The following SORCS2 variants were observed in gnomAD, a reference collection of about 807,000 sequenced individuals.
The protein encoded by SORCS2 is VPS10 domain-containing receptor SorCS2.
SORCS2 carries 100 observed loss-of-function variants against 141.6 expected under a neutral mutation model. The observed-to-expected ratio is 0.71, with a 90% CI of 0.60 to 0.83. The LOEUF is 0.83. SORCS2 is among the 40% of genes least tolerant of loss of function. The pLI, the probability that SORCS2 is intolerant of heterozygous loss-of-function variation, is 0.00. For synonymous variants in SORCS2, 789 were observed against 676.9 expected (o/e 1.17, Z -2.57); for missense variants, 1,646 against 1,560.2 (o/e 1.05, Z -0.93).
rs147496874 is a variant in SORCS2, at chr4:7,302,596, T to G, written c.481-93692T>G. Among the ~76,000 whole-genome samples the G allele has an allele frequency of 7.1e-3, 1,080 of 152,266 alleles. 11 individuals carry two copies. Among genetic ancestry groups the G allele is most frequent in the African/African-American group, 0.024 (997 of 41,534 alleles). ...TCCCTGTAGGCCCTGTGCCCTGACT[T>G]GGACCTGTTTTTCTCCATGGCAATG... On this transcript the variant is annotated intron_variant, in intron 1 of 26. Transcript: ENST00000507866.
chr4:7,398,167 T>A (rs1338871357), intron 2 of SORCS2, among the ~76,000 whole-genome samples: 1 of 150,276 alleles, frequency 6.7e-6, no homozygotes, highest in East Asian at 2.0e-4. Context: ...GCGGTGGGGG[T>A]GGGGTGGGAC....
rs1339929013 is a variant in SORCS2 at position 7,741,225 on chromosome 4, C to T, written c.*961C>T. On this transcript the variant is annotated 3_prime_UTR_variant, in exon 27 of 27. Transcript: ENST00000507866. ...CGAAGGGAACCGGGTGGAAACCAAG[C>T]TGGGAGAGGCTGAGGATGGCAGGGC... is the stretch of plus-strand genomic sequence containing the variant. The T allele has an allele frequency of 5.0e-6, 2 of 398,716 alleles. No individual in the cohort carries two copies. The highest frequency in any genetic ancestry group is 2.5e-4 in the South Asian group (2 of 7,862). The allele number at this position is 398,716 out of a possible 1,614,324, so 24.7% of individuals were successfully genotyped here. A position where few individuals can be genotyped will look rare whatever the true frequency, so the allele number is the denominator to read the frequency against.
intron 1 of SORCS2, among the ~76,000 whole-genome samples, chr4:7,374,512 G>A (rs1049677601): frequency 2.3e-4 from 35 of 152,156 alleles, no homozygotes; most frequent in Admixed American, 1.8e-3. Flanking sequence ...CATTGTCTGC[G>A]TGTTGCTTTT....
chr4:7,586,179 G>T (rs571044659), intron 3 of SORCS2, among the ~76,000 whole-genome samples: 1 of 152,220 alleles, frequency 6.6e-6, no homozygotes, highest in Admixed American at 6.5e-5. Context: ...CATCTTTAGG[G>T]CCATTTTTTC....
Position 7,396,219 on chromosome 4 carries a change from C to G in SORCS2, c.481-69C>G. 3 of 1,476,908 alleles carry G rather than the reference C, an allele frequency of 2.0e-6. No individual in the cohort carries two copies. The South Asian group carries it at 3.6e-5, about 18-fold the overall frequency. The allele number at this position is 1,476,908 out of a possible 1,614,324, so 91.5% of individuals were successfully genotyped here. On this transcript the variant is annotated intron_variant, in intron 1 of 26. Transcript: ENST00000507866. Reference sequence around the variant, plus strand: ...CCCAAATTCTGGCACGGAGTGGTGTCACTGTACCTCTCTTTGAGAACCTTG... The same window carrying G: ...CCCAAATTCTGGCACGGAGTGGTGTGACTGTACCTCTCTTTGAGAACCTTG...
At chr4:7,668,747 G>T (rs190050801) in intron 8 of SORCS2, among the ~76,000 whole-genome samples, 22 of 152,364 alleles carry the variant, frequency 1.4e-4, no homozygotes, top group Admixed American at 1.3e-3. Flanking sequence ...GGCAGTAGGT[G>T]TCTGTCCCTC....
chr4:7,583,585 T>C (rs187282080), intron 3 of SORCS2, among the ~76,000 whole-genome samples: 5 of 152,192 alleles, frequency 3.3e-5, no homozygotes. Flanking sequence ...CCCCATACTG[T>C]TCTCATGGTA....
At chr4:7,484,046 T>G (rs1220849072) in intron 2 of SORCS2, among the ~76,000 whole-genome samples, 1 of 152,234 alleles carries the variant, frequency 6.6e-6, no homozygotes, top group Non-Finnish European at 1.5e-5. Flanking sequence ...ACTTACTTTC[T>G]TCGAGCATTT....
chr4:7,284,236 C>A (rs1350787173), intron 1 of SORCS2, among the ~76,000 whole-genome samples: 1 of 152,174 alleles, frequency 6.6e-6, no homozygotes, highest in African/African-American at 2.4e-5. Context: ...GTACAATTTC[C>A]CCATCCAGTT....
intron 1 of SORCS2, among the ~76,000 whole-genome samples, chr4:7,335,153 T>C (rs1188967670): frequency 6.6e-6 from 1 of 152,064 alleles, no homozygotes; most frequent in African/African-American, 2.4e-5. Flanking sequence ...AGATCCAAAT[T>C]TGTGTTAGAA....
chr4:7,460,873 T>C (rs1229295866), intron 2 of SORCS2, among the ~76,000 whole-genome samples: 2 of 152,180 alleles, frequency 1.3e-5, no homozygotes, highest in African/African-American at 2.4e-5. Flanking sequence ...GGGCCGTGCA[T>C]CGGCTACACA....
chr4:7,404,821 G>A (rs1056103174), intron 2 of SORCS2, among the ~76,000 whole-genome samples: 1 of 152,014 alleles, frequency 6.6e-6, no homozygotes, highest in Non-Finnish European at 1.5e-5. Context: ...CCATGCTGTT[G>A]GTTATTTCTT....
intron 2 of SORCS2, among the ~76,000 whole-genome samples, chr4:7,456,963 G>A (rs578086452): frequency 1.3e-5 from 2 of 152,040 alleles, no homozygotes; most frequent in Non-Finnish European, 2.9e-5. Context: ...CTCCAGGGTT[G>A]TGGTGAGGGG....
chr4:7,549,745 A>G (rs1020522563), intron 3 of SORCS2, among the ~76,000 whole-genome samples: 1 of 152,170 alleles, frequency 6.6e-6, no homozygotes, highest in Non-Finnish European at 1.5e-5. Flanking sequence ...GTTCCTCCTT[A>G]TCTCACGAAT....
At chr4:7,704,795 C>T (rs1357701830) in intron 14 of SORCS2, among the ~76,000 whole-genome samples, 4 of 152,206 alleles carry the variant, frequency 2.6e-5, no homozygotes, top group African/African-American at 4.8e-5. Flanking sequence ...TCGACTGCAC[C>T]GCTGCGGCCG....
rs1404105416 is a variant in SORCS2 at position 7,583,566 on chromosome 4, G to A, written c.648+51937G>A. ...CAGTGGGAGATAACTGAATCATGGGGGCAGTTTCCCCCATACTGTTCTCAT... is the reference window on the plus strand; with the variant it reads ...CAGTGGGAGATAACTGAATCATGGGAGCAGTTTCCCCCATACTGTTCTCAT... On this transcript the variant is annotated intron_variant, in intron 3 of 26. Coordinates refer to ENST00000507866, the MANE Select transcript of SORCS2 (RefSeq NM_020777.3). 2.7e-4 allele frequency among the ~76,000 whole-genome samples: 41 copies of A among 152,134 alleles called. 1 individual carries two copies. Among genetic ancestry groups the A allele is most frequent in the Admixed American group, 2.6e-3 (40 of 15,266 alleles).
At chr4:7,305,705 C>T (rs1459198996) in intron 1 of SORCS2, among the ~76,000 whole-genome samples, 1 of 152,200 alleles carries the variant, frequency 6.6e-6, no homozygotes, top group Non-Finnish European at 1.5e-5. Context: ...CCGTCCACTC[C>T]CAGGTCTAGG....
intron 1 of SORCS2, among the ~76,000 whole-genome samples, chr4:7,373,180 G>A (rs1200173237): frequency 6.6e-6 from 1 of 151,692 alleles, no homozygotes; most frequent in Non-Finnish European, 1.5e-5. Flanking sequence ...AAGAAGCTGT[G>A]TCCTTTTGCA....
intron 17 of SORCS2, 70 bp downstream of exon 17, chr4:7,715,381 G>A (rs541676723): frequency 3.7e-5 from 58 of 1,580,386 alleles, no homozygotes; most frequent in African/African-American, 9.4e-5. Context: ...CCGAAACCAC[G>A]CCTTCCTGGC....
Sources: allele counts gnomAD v4.1 joint callset (sites outside exome capture counted in the v4.1 genomes callset), GRCh38; gene constraint gnomAD v4.1.1; transcripts MANE v1.5; gene names NCBI Gene and HGNC (gene_info 2026-07-23, HGNC 2026-07-21).